The following TANC1 variants were observed in gnomAD, a reference collection of about 807,000 sequenced individuals.
The protein encoded by TANC1 is protein TANC1.
Under a neutral mutation model 149.7 loss-of-function variants are expected in TANC1, and 77 were observed. The observed-to-expected ratio is 0.51, with a 90% CI of 0.43 to 0.62. The LOEUF (loss-of-function observed/expected upper bound fraction) is 0.62, where lower values mean the gene tolerates loss of function less well. Among genes scored for constraint, TANC1 ranks in the 20% least tolerant of loss-of-function variants. TANC1 has a pLI of 0.00. For missense variants in TANC1, 1,985 were observed against 2,321.8 expected, an observed-to-expected ratio of 0.85 and a Z score of 2.98; for synonymous variants, 854 against 925.0, an observed-to-expected ratio of 0.92 and a Z score of 1.39.
At chr2:159,042,775 G>A (rs938573000) in intron 2 of TANC1, among the ~76,000 whole-genome samples, 2 of 152,068 alleles carry the variant, frequency 1.3e-5, no homozygotes, top group African/African-American at 4.8e-5. Flanking sequence ...GCAAAGGTGT[G>A]AAGTTGAGTG....
At chr2:159,034,297 C>T (rs1218144687) in intron 2 of TANC1, among the ~76,000 whole-genome samples, 1 of 152,202 alleles carries the variant, frequency 6.6e-6, no homozygotes, top group Non-Finnish European at 1.5e-5. Flanking sequence ...TTCTTCAGCT[C>T]TCTTCCCTGG....
At chr2:159,100,724 G>A (rs866660544) in intron 4 of TANC1, among the ~76,000 whole-genome samples, 3 of 152,144 alleles carry the variant, frequency 2.0e-5, no homozygotes, top group Non-Finnish European at 4.4e-5. Context: ...GAAAAGTTTA[G>A]GGCAGAGATG....
intron 4 of TANC1, among the ~76,000 whole-genome samples, chr2:159,123,351 AAG>A (rs1286072673): frequency 5.3e-5 from 8 of 152,168 alleles, no homozygotes; most frequent in African/African-American, 1.7e-4. Context: ...GGAGGATGGA[AAG>A]AGAGAGTGCT....
intron 2 of TANC1, among the ~76,000 whole-genome samples, chr2:159,019,361 C>T (rs1349680053): frequency 6.6e-6 from 1 of 152,222 alleles, no homozygotes; most frequent in East Asian, 1.9e-4. Context: ...AGGCATGATA[C>T]TGCTGGCACT....
chr2:159,054,889 C>G (rs13387342), intron 2 of TANC1, among the ~76,000 whole-genome samples: 1 of 152,170 alleles, frequency 6.6e-6, no homozygotes, highest in South Asian at 2.1e-4. Context: ...ATTATAATGC[C>G]TACAGGTGGA....
chr2:159,081,402 A>G lies in TANC1; in HGVS notation c.61+15431A>G, dbSNP rs113777017. ...GACCACCTGTTCTTGCCCCACTGCC[A>G]TCTAGTAGGGCCAAAGTAAAGGCTG... is the stretch of plus-strand genomic sequence containing the variant. On this transcript the variant is annotated intron_variant, in intron 3 of 26. Transcript: ENST00000263635. Among the ~76,000 whole-genome samples, 1,212 of 151,646 alleles carry G rather than the reference A, an allele frequency of 8.0e-3. 14 individuals are homozygous for G. Among genetic ancestry groups the G allele is most frequent in the African/African-American group, 0.027 (1,128 of 41,330 alleles).
At chr2:159,004,047 C>T in intron 2 of TANC1, 1 of 1,612,248 alleles carries the variant, frequency 6.2e-7, no homozygotes, top group Non-Finnish European at 8.5e-7. Context: ...GACAGTTATT[C>T]ATTTCAACAA....
At chr2:159,124,455 AG>A (rs2049183364) in intron 4 of TANC1, among the ~76,000 whole-genome samples, 1 of 152,190 alleles carries the variant, frequency 6.6e-6, no homozygotes, top group South Asian at 2.1e-4. Flanking sequence ...CTGTTGGTCC[AG>A]GGGCTGGTCT....
At chr2:159,040,594 T>C (rs1036618404) in intron 2 of TANC1, among the ~76,000 whole-genome samples, 1 of 152,238 alleles carries the variant, frequency 6.6e-6, no homozygotes, top group Non-Finnish European at 1.5e-5. Flanking sequence ...TCTCGTGCCA[T>C]GATTTTCAGC....
At chr2:159,176,057 C>T (rs1374222721) in intron 12 of TANC1, among the ~76,000 whole-genome samples, 1 of 152,286 alleles carries the variant, frequency 6.6e-6, no homozygotes, top group Non-Finnish European at 1.5e-5. Flanking sequence ...TTTGTGTAGC[C>T]CACCCCAATG....
rs116382787 is a variant in TANC1 at position 159,138,541 on chromosome 2, G to C, written c.364+2243G>C. On this transcript the variant is annotated intron_variant, in intron 5 of 26. Transcript: ENST00000263635. The stretch of plus-strand genomic sequence containing the variant: ...TGAACCCAAAGGAAATGATAGAGCC[G>C]ACTAAAACTAATTGAGTTTGAGTGT... Among the ~76,000 whole-genome samples the C allele has an allele frequency of 3.6e-3, 545 of 152,286 alleles. 3 individuals are homozygous for C. The highest frequency in any genetic ancestry group is 0.012 in the African/African-American group (519 of 41,554).
intron 1 of TANC1, among the ~76,000 whole-genome samples, chr2:158,982,512 G>C (rs1358518099): frequency 6.6e-6 from 1 of 152,250 alleles, no homozygotes; most frequent in African/African-American, 2.4e-5. Flanking sequence ...CTGTATGAAA[G>C]GCTTAGCACC....
chr2:159,086,648 C>T (rs1191496943), intron 3 of TANC1, among the ~76,000 whole-genome samples: 2 of 151,934 alleles, frequency 1.3e-5, no homozygotes, highest in Admixed American at 6.6e-5. Flanking sequence ...ATTTGAGTTT[C>T]AAATAAATGT....
At chr2:159,179,791 G>A (rs1279230481) in intron 14 of TANC1, among the ~76,000 whole-genome samples, 1 of 152,204 alleles carries the variant, frequency 6.6e-6, no homozygotes, top group Non-Finnish European at 1.5e-5. Flanking sequence ...TATCACAGTG[G>A]GATGGGGAAG....
At chr2:159,014,250 A>C (rs2038049579) in intron 2 of TANC1, among the ~76,000 whole-genome samples, 1 of 152,212 alleles carries the variant, frequency 6.6e-6, no homozygotes, top group Admixed American at 6.5e-5. Flanking sequence ...TCATGGCAGA[A>C]GGCAAGGAGA....
At chr2:159,148,930 A>G in intron 5 of TANC1, 2 of 479,894 alleles carry the variant, frequency 4.2e-6, no homozygotes. Context: ...CACCCTTTGC[A>G]CTTGGAGTTT....
chr2:159,084,106 C>G (rs1260022167), intron 3 of TANC1, among the ~76,000 whole-genome samples: 1 of 152,002 alleles, frequency 6.6e-6, no homozygotes, highest in Admixed American at 6.6e-5. Context: ...AAAAATTAGC[C>G]GGGGGTGGTG....
rs1429554740 is a variant in TANC1, at chr2:159,150,452, C to T, written c.578C>T (p.Ser193Leu). The change falls in exon 7 of 27, where the codon TCA (serine) becomes TTA (leucine). Residue 193 changes from serine to leucine, a missense_variant. Coordinates refer to ENST00000263635, the MANE Select transcript of TANC1 (RefSeq NM_033394.3). ...TCTCCTAGCACCGATAGCCCCTGCT[C>T]AACCTTGAATAGCTGTGTCAGCAAG... ...TASPSTDSPC[S>L]TLNSCVSKTA... The T allele has an allele frequency of 6.2e-7, 1 of 1,614,196 alleles. No individual in the cohort carries two copies. The highest frequency in any genetic ancestry group is 8.5e-7 in the Non-Finnish European group (1 of 1,180,028).
intron 16 of TANC1, among the ~76,000 whole-genome samples, chr2:159,189,046 C>A (rs2057245335): frequency 6.6e-6 from 1 of 152,258 alleles, no homozygotes; most frequent in Non-Finnish European, 1.5e-5. Flanking sequence ...GCCTTACTCC[C>A]TCTGAGCCTT....
Sources: gnomAD v4.1 joint callset for allele counts (sites outside exome capture counted in the v4.1 genomes callset) on GRCh38, gnomAD v4.1.1 for gene constraint, MANE v1.5 for transcripts, NCBI Gene and HGNC (gene_info 2026-07-23, HGNC 2026-07-21) for gene names.